CFAP77: variants seen among roughly 807,000 people sequenced by gnomAD.
The protein encoded by CFAP77 is cilia and flagella associated protein 77, also known as cilia- and flagella-associated protein 77.
Under a neutral mutation model 31.1 loss-of-function variants are expected in CFAP77, and 25 were observed. That is an observed-to-expected ratio of 0.80 (90% CI 0.59 to 1.12). The LOEUF is 1.12. Among genes scored for constraint, CFAP77 ranks in the 50% most tolerant of loss-of-function variants. CFAP77 has a pLI of 0.00. For missense variants in CFAP77, 377 were observed against 397.3 expected, an observed-to-expected ratio of 0.95 and a Z score of 0.44; for synonymous variants, 151 against 159.9, an observed-to-expected ratio of 0.94 and a Z score of 0.42.
rs1463366122 is a variant in CFAP77, at chr9:132,545,753, T to A, written c.732+2706T>A. Among the ~76,000 whole-genome samples the A allele has an allele frequency of 6.6e-6, 1 of 152,056 alleles. No homozygotes were observed. The highest frequency in any genetic ancestry group is 1.5e-5 in the Non-Finnish European group (1 of 68,018). On this transcript the variant is annotated intron_variant, in intron 5 of 5. Coordinates refer to ENST00000393216, the MANE Select transcript of CFAP77 (RefSeq NM_001282957.2). This position sits in a 1 kb window ranked among gnomAD's most constrained non-coding sequence, Gnocchi z 4.6. ...TAGAATGCACCCGGCGCTGAGCAGG[T>A]CTCATCTCATAGATATCATGCCCCC...
chr9:132,452,351 G>T (rs1028621723), intron 1 of CFAP77, among the ~76,000 whole-genome samples: 1 of 152,182 alleles, frequency 6.6e-6, no homozygotes, highest in African/African-American at 2.4e-5. Context: ...GGTGGCGTTG[G>T]TTTGGGCACT....
chr9:132,414,969 G>A (rs564472234), intron 1 of CFAP77, among the ~76,000 whole-genome samples: 1 of 152,282 alleles, frequency 6.6e-6, no homozygotes, highest in South Asian at 2.1e-4. Flanking sequence ...CCAACACAAA[G>A]AAGGCAGGCA....
At chr9:132,439,901 A>G (rs1027026565) in intron 1 of CFAP77, among the ~76,000 whole-genome samples, 4 of 151,936 alleles carry the variant, frequency 2.6e-5, no homozygotes, top group Admixed American at 2.6e-4. Flanking sequence ...CAGAGCAAAC[A>G]TCTCTCTTAT....
rs1564223329 is a variant in CFAP77, at chr9:132,486,097, T to TTA, written c.196-12597_196-12596insAT. ...ATATATATATATATATATATTTTTT[T>TTA]TTTTTTTTTTTTTGAGACGGAGTCT... On this transcript the variant is annotated intron_variant, in intron 1 of 5. Transcript: ENST00000393216. Among the ~76,000 whole-genome samples the TTA allele has an allele frequency of 8.3e-5, 7 of 84,658 alleles. 2 individuals are homozygous for TTA. The highest frequency in any genetic ancestry group is 1.3e-4 in the Non-Finnish European group (6 of 46,376). The allele number at this position is 84,658 out of a possible 152,430, so 55.5% of individuals were successfully genotyped here.
Position 132,456,853 on chromosome 9 carries a change from C to T in CFAP77, c.196-41842C>T, listed in dbSNP as rs190322683. On this transcript the variant is annotated intron_variant, in intron 1 of 5. Coordinates refer to ENST00000393216, the MANE Select transcript of CFAP77 (RefSeq NM_001282957.2). ...GCAACCTCCACCTCCTGGGCTCAAG[C>T]GATTCTCATGCCTCAGCCTCCTGAG... 6.0e-4 allele frequency among the ~76,000 whole-genome samples: 92 copies of T among 152,084 alleles called. 1 individual carries two copies. Among genetic ancestry groups the T allele is most frequent in the African/African-American group, 1.5e-3 (62 of 41,482 alleles).
rs1197861282 is a variant in CFAP77 at position 132,498,532 on chromosome 9, C to T, written c.196-163C>T. On this transcript the variant is annotated intron_variant, in intron 1 of 5. Coordinates refer to ENST00000393216, the MANE Select transcript of CFAP77 (RefSeq NM_001282957.2). This position sits in a 1 kb window ranked among gnomAD's most constrained non-coding sequence, Gnocchi z 4.2. ...GACCCTGTGCCAGCCACAGCCTGCG[C>T]TCCTCCCAGGGAGGGCTCTGCCACC... is the stretch of plus-strand genomic sequence containing the variant. 2.6e-5 allele frequency among the ~76,000 whole-genome samples: 4 copies of T among 152,260 alleles called. No individual in the cohort carries two copies. The highest frequency in any genetic ancestry group is 2.4e-5 in the African/African-American group (1 of 41,546).
intron 1 of CFAP77, among the ~76,000 whole-genome samples, chr9:132,449,272 CACCCTCCTCTCCTACTCCTGGCTGCACT>C: frequency 1.3e-5 from 1 of 77,918 alleles, no homozygotes; most frequent in South Asian, 3.9e-4. Context: ...CCCTTGCACT[CACCCTCCTCTCCTACTCCTGGCTGCACT>C]CACCCTCCTC....
At chr9:132,454,571 G>A (rs561511543) in intron 1 of CFAP77, among the ~76,000 whole-genome samples, 1 of 152,298 alleles carries the variant, frequency 6.6e-6, no homozygotes, top group Admixed American at 6.5e-5. Flanking sequence ...TGGAAAAGCT[G>A]CCCACACATC....
At position 132,455,955 on chromosome 9, in the gene CFAP77, T is replaced by C. The variant is rs368352569; in HGVS notation, c.196-42740T>C. Reference sequence around the variant, plus strand: ...TGTATAACCTTGAGCAAGTTATTTATCCACTCTTAGTTTTCCCTTCTCTAA... The same window carrying C: ...TGTATAACCTTGAGCAAGTTATTTACCCACTCTTAGTTTTCCCTTCTCTAA... On this transcript the variant is annotated intron_variant, in intron 1 of 5. Transcript: ENST00000393216. The surrounding 1 kb of genome is among the most constrained non-coding windows in gnomAD (Gnocchi z 4.1). Among the ~76,000 whole-genome samples the C allele has an allele frequency of 2.0e-5, 3 of 152,192 alleles. No homozygotes were observed. The highest frequency in any genetic ancestry group is 1.9e-4 in the East Asian group (1 of 5,198).
At chr9:132,503,641 G>A (rs914048335) in intron 3 of CFAP77, among the ~76,000 whole-genome samples, 16 of 152,152 alleles carry the variant, frequency 1.1e-4, no homozygotes, top group African/African-American at 3.9e-4. Flanking sequence ...TGTGCCAGAG[G>A]TGGGCAGGAT....
At chr9:132,413,969 C>G (rs1408027026) in intron 1 of CFAP77, among the ~76,000 whole-genome samples, 2 of 152,200 alleles carry the variant, frequency 1.3e-5, no homozygotes, top group Non-Finnish European at 2.9e-5. Flanking sequence ...ATCTAGTCCA[C>G]CTCCTTTTTT....
At chr9:132,510,889 G>T (rs964653435) in intron 3 of CFAP77, among the ~76,000 whole-genome samples, 4 of 152,112 alleles carry the variant, frequency 2.6e-5, no homozygotes, top group African/African-American at 9.7e-5. Context: ...CCCCAGACGG[G>T]CCCTAAGGTA....
chr9:132,530,307 TC>T (rs1852420642), intron 3 of CFAP77, among the ~76,000 whole-genome samples: 1 of 151,186 alleles, frequency 6.6e-6, no homozygotes, highest in Non-Finnish European at 1.5e-5. Context: ...AGTCTCTCTC[TC>T]TCTGTCACCC....
At position 132,511,284 on chromosome 9, in the gene CFAP77, G is replaced by A. The variant is rs1010841054; in HGVS notation, c.524+11684G>A. 2.0e-5 allele frequency among the ~76,000 whole-genome samples: 3 copies of A among 152,076 alleles called. No homozygotes were observed. Among genetic ancestry groups the A allele is most frequent in the African/African-American group, 7.2e-5 (3 of 41,416 alleles). On this transcript the variant is annotated intron_variant, in intron 3 of 5. Transcript: ENST00000393216. The surrounding 1 kb of genome is among the most constrained non-coding windows in gnomAD (Gnocchi z 5.8). ...TCCCCTGAACTCCCTCCCTCCCCAC[G>A]TTTCTCTGGACTCACAGGTGCTTTT...
rs1335782285 is a variant in CFAP77 at position 132,570,162 on chromosome 9, C to T, written c.733-2226C>T. Among the ~76,000 whole-genome samples, 4 of 152,206 alleles carry T rather than the reference C, an allele frequency of 2.6e-5. No individual in the cohort carries two copies. The East Asian group carries it at 7.7e-4, about 29-fold the overall frequency. ...TTGTCCACAGACTATTTTCCTCCTGCACACTGTGCAAGGCCTTCTCTCTTC... is the reference window on the plus strand; with the variant it reads ...TTGTCCACAGACTATTTTCCTCCTGTACACTGTGCAAGGCCTTCTCTCTTC... On this transcript the variant is annotated intron_variant, in intron 5 of 5. Transcript: ENST00000393216.
rs1185235568 is a variant in CFAP77 at position 132,487,880 on chromosome 9, C to T, written c.196-10815C>T. The stretch of plus-strand genomic sequence containing the variant: ...CTCATTATGGAAATAAATAAATATC[C>T]TCTATGCTAATAATGATCACAATTT... On this transcript the variant is annotated intron_variant, in intron 1 of 5. Transcript: ENST00000393216. 2.0e-5 allele frequency among the ~76,000 whole-genome samples: 3 copies of T among 152,148 alleles called. No individual in the cohort carries two copies. The East Asian group carries it at 5.8e-4, about 29-fold the overall frequency.
chr9:132,488,419 C>T (rs1337317269), intron 1 of CFAP77, among the ~76,000 whole-genome samples: 1 of 152,136 alleles, frequency 6.6e-6, no homozygotes, highest in Non-Finnish European at 1.5e-5. Flanking sequence ...TAAGATATCT[C>T]GTGCAAAATC....
chr9:132,430,267 T>C (rs972825186), intron 1 of CFAP77, among the ~76,000 whole-genome samples: 4 of 152,190 alleles, frequency 2.6e-5, no homozygotes, highest in Non-Finnish European at 5.9e-5. Flanking sequence ...ATACTTTCTC[T>C]GTCCTTTCGT....
chr9:132,449,312 CCTACTCCTGGCTGCACTCACCCTCCTCT>C (rs1445321021), intron 1 of CFAP77, among the ~76,000 whole-genome samples: 89 of 151,210 alleles, frequency 5.9e-4, no homozygotes, highest in African/African-American at 2.1e-3. Context: ...ACCCTCCTCT[CCTACTCCTGGCTGCACTCACCCTCCTCT>C]CCTACTCCTG....
Sources: allele counts gnomAD v4.1 joint callset (sites outside exome capture counted in the v4.1 genomes callset), GRCh38; gene constraint gnomAD v4.1.1; non-coding constraint Gnocchi (gnomAD v3.1); transcripts MANE v1.5; gene names NCBI Gene and HGNC (gene_info 2026-07-23, HGNC 2026-07-21).